The following GALNTL6 variants were observed in gnomAD, a reference collection of about 807,000 sequenced individuals.
The protein encoded by GALNTL6 is polypeptide N-acetylgalactosaminyltransferase-like 6.
A neutral mutation model predicts 73.7 loss-of-function variants in GALNTL6; 46 were observed. That is an observed-to-expected ratio of 0.62 (90% CI 0.49 to 0.80). The LOEUF (loss-of-function observed/expected upper bound fraction) is 0.80. Among genes scored for constraint, GALNTL6 ranks in the 30% least tolerant of loss-of-function variants. The probability of loss-of-function intolerance (pLI) is 0.00; values close to 1 mark genes in which losing one functional copy is unlikely to be tolerated. For missense variants in GALNTL6, 604 were observed against 755.0 expected, an observed-to-expected ratio of 0.80 and a Z score of 2.34; for synonymous variants, 259 against 263.7, an observed-to-expected ratio of 0.98 and a Z score of 0.17.
intron 5 of GALNTL6, among the ~76,000 whole-genome samples, chr4:172,673,566 T>G (rs926753090): frequency 6.6e-6 from 1 of 152,170 alleles, no homozygotes; most frequent in Admixed American, 6.5e-5. Context: ...ATATTGTCAG[T>G]GGGTTGTTAA....
At chr4:172,683,264 G>A (rs995506998) in intron 5 of GALNTL6, among the ~76,000 whole-genome samples, 65 of 152,146 alleles carry the variant, frequency 4.3e-4, no homozygotes, top group Non-Finnish European at 1.8e-4. Context: ...GTAGTCAGTG[G>A]TCATAGAACA....
chr4:172,322,863 GA>G (rs1415529555), intron 4 of GALNTL6, among the ~76,000 whole-genome samples: 3 of 151,934 alleles, frequency 2.0e-5, no homozygotes, highest in Non-Finnish European at 4.4e-5. Context: ...AAAGAATGAA[GA>G]AAAATAAACA....
chr4:172,735,732 G>T (rs1278185783), intron 5 of GALNTL6, among the ~76,000 whole-genome samples: 1 of 152,140 alleles, frequency 6.6e-6, no homozygotes, highest in Non-Finnish European at 1.5e-5. Context: ...GGACCCAGTG[G>T]AAGGTAATTG....
Position 171,933,593 on chromosome 4 carries a change from A to G in GALNTL6, c.138+118875A>G, listed in dbSNP as rs575667211. On this transcript the variant is annotated intron_variant, in intron 2 of 12. Transcript: ENST00000506823. ...TATAGTTTATTAGGGATTTATTTAG[A>G]CTATTTTATTTCACATAAAATTCTG... Among the ~76,000 whole-genome samples, 9 of 152,012 alleles carry G rather than the reference A, an allele frequency of 5.9e-5. No homozygotes were observed. In the East Asian group the frequency reaches 1.7e-3, roughly 29 times the overall value.
In GALNTL6 at chr4:172,737,904, A is replaced by T. The variant is rs1330713519; in HGVS notation, c.554-71457A>T. ...AAATTGGGAAGGTCCCAAAAGTATT[A>T]TTCTGGCATCATGGGAAGCTTGGCT... On this transcript the variant is annotated intron_variant, in intron 5 of 12. Coordinates refer to ENST00000506823, the MANE Select transcript of GALNTL6 (RefSeq NM_001034845.3). Among the ~76,000 whole-genome samples, 5 of 152,318 alleles carry T rather than the reference A, an allele frequency of 3.3e-5. No individual in the cohort carries two copies. The East Asian group carries it at 7.7e-4, about 24-fold the overall frequency.
intron 2 of GALNTL6, among the ~76,000 whole-genome samples, chr4:172,164,898 G>T (rs1333527548): frequency 6.6e-6 from 1 of 152,010 alleles, no homozygotes; most frequent in Non-Finnish European, 1.5e-5. Flanking sequence ...AGTTTATATT[G>T]ATAGGTCATC....
chr4:172,076,741 C>A (rs1731712647), intron 2 of GALNTL6, among the ~76,000 whole-genome samples: 1 of 152,052 alleles, frequency 6.6e-6, no homozygotes, highest in South Asian at 2.1e-4. Context: ...AAGGTATATT[C>A]CTAAAATCTC....
At chr4:172,384,539 A>C (rs1280927544) in intron 5 of GALNTL6, among the ~76,000 whole-genome samples, 1 of 151,116 alleles carries the variant, frequency 6.6e-6, no homozygotes, top group Non-Finnish European at 1.5e-5. Flanking sequence ...ATTTTGTTAA[A>C]GTTTTGGTTT....
At chr4:171,844,518 TAA>T (rs1735321434) in intron 2 of GALNTL6, among the ~76,000 whole-genome samples, 1 of 152,166 alleles carries the variant, frequency 6.6e-6, no homozygotes, top group Non-Finnish European at 1.5e-5. Flanking sequence ...ATTTTTGTTT[TAA>T]GTTTTATTTT....
At chr4:172,912,068 C>T (rs986905566) in intron 8 of GALNTL6, among the ~76,000 whole-genome samples, 3 of 152,122 alleles carry the variant, frequency 2.0e-5, no homozygotes, top group Admixed American at 1.3e-4. Context: ...TCTAACACAT[C>T]AATCTATATA....
At chr4:172,964,154 C>T (rs184800990) in intron 10 of GALNTL6, among the ~76,000 whole-genome samples, 1 of 152,320 alleles carries the variant, frequency 6.6e-6, no homozygotes, top group East Asian at 1.9e-4. Context: ...AAGTGGAAAA[C>T]TATTCTTAAA....
At chr4:172,731,981 T>G (rs1579408513) in intron 5 of GALNTL6, among the ~76,000 whole-genome samples, 2 of 152,256 alleles carry the variant, frequency 1.3e-5, no homozygotes, top group Admixed American at 1.3e-4. Context: ...CTGGAAAATG[T>G]TCTATATTCA....
intron 3 of GALNTL6, among the ~76,000 whole-genome samples, chr4:172,230,094 A>G (rs530937115): frequency 5.5e-4 from 84 of 152,278 alleles, no homozygotes; most frequent in Non-Finnish European, 1.1e-3. Flanking sequence ...ATCTTGAGCA[A>G]GATTGACTCC....
At chr4:172,953,454 A>G (rs1174066074) in intron 10 of GALNTL6, among the ~76,000 whole-genome samples, 1 of 152,234 alleles carries the variant, frequency 6.6e-6, no homozygotes, top group Non-Finnish European at 1.5e-5. Flanking sequence ...GTGGAAGAGT[A>G]TCATCAGTGT....
At chr4:172,973,678 T>C (rs972509324) in intron 10 of GALNTL6, among the ~76,000 whole-genome samples, 1 of 152,216 alleles carries the variant, frequency 6.6e-6, no homozygotes, top group Admixed American at 6.5e-5. Flanking sequence ...AATGTAAATA[T>C]GGAGCAGATA....
intron 7 of GALNTL6, among the ~76,000 whole-genome samples, chr4:172,869,991 T>C (rs980413799): frequency 2.6e-5 from 4 of 152,078 alleles, no homozygotes; most frequent in South Asian, 2.1e-4. Context: ...CTTCTTCTTT[T>C]CCCTCAGTCC....
In GALNTL6 at chr4:173,040,108, A is replaced by G; in HGVS notation, c.*8A>G. On this transcript the variant is annotated 3_prime_UTR_variant, in exon 13 of 13. Coordinates refer to ENST00000506823, the MANE Select transcript of GALNTL6 (RefSeq NM_001034845.3). Reference sequence around the variant, plus strand: ...CACCATGCCAACTCCTAGAAAGAAGAAAGGAAGAAAGAGTGATTACCTACA... The same window carrying G: ...CACCATGCCAACTCCTAGAAAGAAGGAAGGAAGAAAGAGTGATTACCTACA... The G allele has an allele frequency of 6.2e-7, 1 of 1,600,984 alleles. No homozygotes were observed. Among genetic ancestry groups the G allele is most frequent in the African/African-American group, 1.3e-5 (1 of 74,586 alleles).
intron 5 of GALNTL6, among the ~76,000 whole-genome samples, chr4:172,635,448 G>A (rs1397112826): frequency 6.6e-6 from 1 of 151,936 alleles, no homozygotes; most frequent in Non-Finnish European, 1.5e-5. Context: ...TTTAGTTTTG[G>A]GTTTTTTATC....
intron 7 of GALNTL6, among the ~76,000 whole-genome samples, chr4:172,851,089 T>C (rs1743791458): frequency 6.6e-6 from 1 of 152,060 alleles, no homozygotes. Flanking sequence ...GGGGCTGAGT[T>C]TTAAGTTTCA....
Sources: allele counts gnomAD v4.1 joint callset (sites outside exome capture counted in the v4.1 genomes callset), GRCh38; gene constraint gnomAD v4.1.1; transcripts MANE v1.5; gene names NCBI Gene and HGNC (gene_info 2026-07-23, HGNC 2026-07-21).